GPR37L1: variants seen among roughly 807,000 people sequenced by gnomAD.
The protein encoded by GPR37L1 is G protein-coupled receptor 37 like 1.
In GPR37L1, 18 loss-of-function variants were observed where a neutral mutation model predicts 18.0. The observed-to-expected ratio is 1.00, with a 90% CI of 0.69 to 1.49. The LOEUF (loss-of-function observed/expected upper bound fraction) is 1.49, where lower values mean the gene tolerates loss of function less well. GPR37L1 is among the 40% of genes most tolerant of loss of function. The pLI, the probability that GPR37L1 is intolerant of heterozygous loss-of-function variation, is 0.00. For synonymous variants in GPR37L1, 256 were observed against 273.9 expected, an observed-to-expected ratio of 0.93 and a Z score of 0.65; for missense variants, 558 against 615.1, an observed-to-expected ratio of 0.91 and a Z score of 0.98.
chr1:202,124,754 CA>C (rs1221731202), intron 1 of GPR37L1, among the ~76,000 whole-genome samples: 2 of 152,182 alleles, frequency 1.3e-5, no homozygotes, highest in African/African-American at 4.8e-5. Flanking sequence ...CACCATGTAA[CA>C]ATGATGATGT....
Position 202,128,715 on chromosome 1 carries a change from CAGGG to C in GPR37L1, c.*160_*163del, listed in dbSNP as rs777237313. On this transcript the variant is annotated 3_prime_UTR_variant, in exon 2 of 2. Coordinates refer to ENST00000367282, the MANE Select transcript of GPR37L1 (RefSeq NM_004767.5). The stretch of plus-strand genomic sequence containing the variant: ...GGAATGTCAAAGCCCCCTCCCCACA[CAGGG>C]CCTTTCCTGTCCCTTGTGGGGCCTT... The C allele has an allele frequency of 8.5e-5, 51 of 602,204 alleles. No individual in the cohort carries two copies. The highest frequency in any genetic ancestry group is 1.4e-4 in the Non-Finnish European group (46 of 337,814). 37.3% of individuals were successfully genotyped at this position (602,204 alleles called of 1,614,324 possible). A position where few individuals can be genotyped will look rare whatever the true frequency, so the allele number is the denominator to read the frequency against.
intron 1 of GPR37L1, among the ~76,000 whole-genome samples, chr1:202,127,299 CTTCCTTCT>C (rs1239092584): frequency 1.5e-5 from 2 of 132,494 alleles, no homozygotes; most frequent in Non-Finnish European, 3.2e-5. Flanking sequence ...TCCTTCCTTC[CTTCCTTCT>C]TTCCTTCCTT....
At chr1:202,124,272 C>T (rs1654593269) in intron 1 of GPR37L1, among the ~76,000 whole-genome samples, 1 of 152,202 alleles carries the variant, frequency 6.6e-6, no homozygotes, top group Non-Finnish European at 1.5e-5. Flanking sequence ...GGGCTCTAGT[C>T]TTAGCTCTGC....
chr1:202,128,155 A>C lies in GPR37L1; in HGVS notation c.1045A>C (p.Lys349Gln). The C allele has an allele frequency of 6.2e-7, 1 of 1,613,996 alleles. No individual in the cohort carries two copies. Among genetic ancestry groups the C allele is most frequent in the Non-Finnish European group, 8.5e-7 (1 of 1,180,006 alleles). Residue 349 changes from lysine to glutamine, a missense_variant, in exon 2 of 2, where the codon AAG becomes CAG. Transcript: ENST00000367282. ...PGRKSECRAS[K>Q]HEQCESQLNS... ...GAGGAAGTCAGAGTGCAGGGCCAGC[A>C]AGCACGAGCAGTGTGAGAGCCAGCT...
Position 202,123,192 on chromosome 1 carries a change from C to T in GPR37L1, c.229C>T (p.Gln77Ter), listed in dbSNP as rs756909328. The change falls in exon 1 of 2, where the codon CAG (glutamine) becomes TAG (stop). Residue 77 changes from glutamine (Q) to a stop codon, truncating the protein, a stop_gained. Transcript: ENST00000367282. LOFTEE classifies it high-confidence loss of function. ...YPRPIHPAGL[Q>*]PTKPLVATSP... ...CCGGCCCATTCACCCTGCTGGCCTG[C>T]AGCCAACCAAGCCCTTGGTGGCCAC... The T allele has an allele frequency of 9.3e-6, 15 of 1,613,528 alleles. No homozygotes were observed. Among genetic ancestry groups the T allele is most frequent in the Non-Finnish European group, 1.3e-5 (15 of 1,179,772 alleles).
rs1654740126 is a variant in GPR37L1 at position 202,128,456 on chromosome 1, ATGGGT to A, written c.1347_1351del (p.Ser451GlnfsTer34). 6.2e-7 allele frequency: 1 copy of A among 1,610,216 alleles called. No individual in the cohort carries two copies. The highest frequency in any genetic ancestry group is 2.2e-5 in the East Asian group (1 of 44,762). On this transcript the variant is annotated frameshift_variant, in exon 2 of 2. Transcript: ENST00000367282. LOFTEE classifies it low-confidence loss of function (END_TRUNC). The stretch of plus-strand genomic sequence containing the variant: ...GGGGCTTCGGAGGCCTCTGCTGCCA[ATGGGT>A]CGGACAACAAGCTCAAGACCGAGGT...
At chr1:202,123,819 G>A (rs1490199265) in intron 1 of GPR37L1, among the ~76,000 whole-genome samples, 1 of 152,082 alleles carries the variant, frequency 6.6e-6, no homozygotes, top group African/African-American at 2.4e-5. Context: ...GGTGTGTGGG[G>A]CCCCTGGGTT....
rs1294340594 is a variant in GPR37L1 at position 202,128,419 on chromosome 1, G to T, written c.1309G>T (p.Glu437Ter). The T allele has an allele frequency of 5.6e-6, 9 of 1,613,518 alleles. No individual in the cohort carries two copies. The highest frequency in any genetic ancestry group is 7.6e-6 in the Non-Finnish European group (9 of 1,179,768). Residue 437 changes from glutamate (E) to a stop codon, truncating the protein, a stop_gained, in exon 2 of 2, where the codon GAG (glutamate) becomes TAG (stop). Coordinates refer to ENST00000367282, the MANE Select transcript of GPR37L1 (RefSeq NM_004767.5). LOFTEE classifies it low-confidence loss of function (END_TRUNC). ...GGACTGCTGCTGCTGCTGCTGCTGT[G>T]AGGAGTGCGGCGGGGCTTCGGAGGC... ...FLDCCCCCCC[E>*]ECGGASEASA...
chr1:202,130,374 G>A lies in GPR37L1; in HGVS notation c.*1818G>A, dbSNP rs1654809744. 6.6e-6 allele frequency: 1 copy of A among 152,524 alleles called. No individual in the cohort carries two copies. The highest frequency in any genetic ancestry group is 2.1e-4 in the South Asian group (1 of 4,836). 9.4% of individuals were successfully genotyped at this position (152,524 alleles called of 1,614,324 possible). A position where few individuals can be genotyped will look rare whatever the true frequency, so the allele number is the denominator to read the frequency against. On this transcript the variant is annotated 3_prime_UTR_variant, in exon 2 of 2. Coordinates refer to ENST00000367282, the MANE Select transcript of GPR37L1 (RefSeq NM_004767.5). ...GCAGGGGCAGGGTTTCCAAGCGCCT[G>A]GGGCTCCATTCTCCTCTGTCCACCC...
In GPR37L1 at chr1:202,128,415, CTGT is replaced by C. The variant is rs2147806504; in HGVS notation, c.1306_1308del (p.Cys436del). ...TCCTGGACTGCTGCTGCTGCTGCTG[CTGT>C]GAGGAGTGCGGCGGGGCTTCGGAGG... On this transcript the variant is annotated inframe_deletion, in exon 2 of 2. Transcript: ENST00000367282. 1.2e-6 allele frequency: 2 copies of C among 1,613,298 alleles called. No individual in the cohort carries two copies. The highest frequency in any genetic ancestry group is 1.1e-5 in the South Asian group (1 of 90,998).
In GPR37L1 at chr1:202,131,223, G is replaced by A. The variant is rs1654843620; in HGVS notation, c.*2667G>A. On this transcript the variant is annotated 3_prime_UTR_variant, in exon 2 of 2. Transcript: ENST00000367282. Reference sequence around the variant, plus strand: ...ACCAGCCCTCAGATCCTGATGCCAGGTTACAGGGCTGAGGGGAGCCTGAAA... The same window carrying A: ...ACCAGCCCTCAGATCCTGATGCCAGATTACAGGGCTGAGGGGAGCCTGAAA... The A allele has an allele frequency of 6.6e-6, 1 of 152,234 alleles. No homozygotes were observed. Among genetic ancestry groups the A allele is most frequent in the Non-Finnish European group, 1.5e-5 (1 of 68,052 alleles). 9.4% of individuals were successfully genotyped at this position (152,234 alleles called of 1,614,324 possible).
chr1:202,128,226 C>A lies in GPR37L1; in HGVS notation c.1116C>A (p.Thr372=). 9 of 1,613,952 alleles carry A rather than the reference C, an allele frequency of 5.6e-6. No individual in the cohort carries two copies. Among genetic ancestry groups the A allele is most frequent in the Non-Finnish European group, 7.6e-6 (9 of 1,179,990 alleles). ...TGACCGTGGTCTACGCCTTCTGCAC[C>A]CTCCCAGAGAACGTCTGCAACATCG... ...VGLTVVYAFC[T]LPENVCNIVV... is the part of the protein sequence containing the mutation. Residue 372 remains threonine, a synonymous_variant, in exon 2 of 2, where the codon ACC becomes ACA. Transcript: ENST00000367282.
Position 202,128,741 on chromosome 1 carries a change from C to A in GPR37L1, c.*185C>A, listed in dbSNP as rs1654751697. On this transcript the variant is annotated 3_prime_UTR_variant, in exon 2 of 2. Coordinates refer to ENST00000367282, the MANE Select transcript of GPR37L1 (RefSeq NM_004767.5). ...AGGGCCTTTCCTGTCCCTTGTGGGG[C>A]CTTCCAACCCTGTCCTTTCCACTGG... 1.0e-5 allele frequency: 6 copies of A among 573,756 alleles called. No individual in the cohort carries two copies. In the South Asian group the frequency reaches 1.4e-4, roughly 13 times the overall value. 35.5% of individuals were successfully genotyped at this position (573,756 alleles called of 1,614,324 possible). A position where few individuals can be genotyped will look rare whatever the true frequency, so the allele number is the denominator to read the frequency against.
At chr1:202,126,838 C>CGTGCGTGTGTGTGTGTGTGTGT (rs1553315417) in intron 1 of GPR37L1, among the ~76,000 whole-genome samples, 22 of 146,450 alleles carry the variant, frequency 1.5e-4, no homozygotes, top group African/African-American at 5.0e-4. Context: ...CAGAAACGTG[C>CGTGCGTGTGTGTGTGTGTGTGT]GTGTGTGTGT....
At position 202,123,231 on chromosome 1, in the gene GPR37L1, G is replaced by A. The variant is rs144676177; in HGVS notation, c.268G>A (p.Gly90Ser). ...CTTGGTGGCCACCAGCCCTAACCCC[G>A]GCAAGGATGGGGGCACCCCAGACAG... is the stretch of plus-strand genomic sequence containing the variant. Reference protein sequence around the residue: ...KPLVATSPNPGKDGGTPDSGQ... With the variant: ...KPLVATSPNPSKDGGTPDSGQ... Residue 90 changes from glycine (G) to serine (S), a missense_variant, in exon 1 of 2, where the codon GGC (glycine) becomes AGC (serine). Coordinates refer to ENST00000367282, the MANE Select transcript of GPR37L1 (RefSeq NM_004767.5). 3.9e-5 allele frequency: 63 copies of A among 1,613,906 alleles called. No individual in the cohort carries two copies. The highest frequency in any genetic ancestry group is 3.6e-4 in the South Asian group (33 of 91,082).
intron 1 of GPR37L1, among the ~76,000 whole-genome samples, chr1:202,126,523 G>A (rs1654663699): frequency 6.6e-6 from 1 of 152,220 alleles, no homozygotes; most frequent in African/African-American, 2.4e-5. Context: ...ACACTTGGTG[G>A]CTGTGCTAAA....
chr1:202,123,026 G>A lies in GPR37L1; in HGVS notation c.63G>A (p.Arg21=), dbSNP rs377674188. The change falls in exon 1 of 2, where the codon AGG becomes AGA. Residue 21 remains arginine (R), a synonymous_variant. Transcript: ENST00000367282. The stretch of plus-strand genomic sequence containing the variant: ...TGATTTTGGCTGTGGGGCTAAGCAG[G>A]GTCTCTGGGGGTGCCCCCCTGCACC... ...LAVILAVGLS[R]VSGGAPLHLG... 6.2e-7 allele frequency: 1 copy of A among 1,613,430 alleles called. No individual in the cohort carries two copies. The highest frequency in any genetic ancestry group is 1.3e-5 in the African/African-American group (1 of 74,932).
chr1:202,125,074 A>G (rs1328709498), intron 1 of GPR37L1, among the ~76,000 whole-genome samples: 1 of 148,934 alleles, frequency 6.7e-6, no homozygotes, highest in Non-Finnish European at 1.5e-5. Flanking sequence ...CTGAGGCAGG[A>G]GAATCGCTTG....
intron 1 of GPR37L1, among the ~76,000 whole-genome samples, chr1:202,125,862 C>T (rs1250953092): frequency 6.6e-6 from 1 of 152,172 alleles, no homozygotes; most frequent in African/African-American, 2.4e-5. Context: ...GCTGGTACCG[C>T]AGGCGTGTGG....
Sources: gnomAD v4.1 joint callset for allele counts (sites outside exome capture counted in the v4.1 genomes callset) on GRCh38, gnomAD v4.1.1 for gene constraint, MANE v1.5 for transcripts, NCBI Gene and HGNC (gene_info 2026-07-23, HGNC 2026-07-21) for gene names.